ABI1: variants seen among roughly 807,000 people sequenced by gnomAD.
ABI1 encodes abl interactor 1.
Under a neutral mutation model 54.6 loss-of-function variants are expected in ABI1, and 14 were observed. The observed-to-expected ratio is 0.26, with a 90% confidence interval of 0.17 to 0.40. The LOEUF is 0.40. ABI1 is among the 10% of genes least tolerant of loss of function. The pLI is 1.00. For synonymous variants in ABI1, 194 were observed against 209.3 expected, an observed-to-expected ratio of 0.93 and a Z score of 0.63; for missense variants, 443 against 598.3, an observed-to-expected ratio of 0.74 and a Z score of 2.71.
chr10:26,800,454 C>G (rs2046473631), intron 2 of ABI1, among the ~76,000 whole-genome samples: 1 of 152,120 alleles, frequency 6.6e-6, no homozygotes, highest in Admixed American at 6.6e-5. Flanking sequence ...GAGACACATT[C>G]TACAAAACAA....
rs2047873802 is a variant in ABI1 at position 26,820,171 on chromosome 10, G to C, written c.285+2967C>G. ...GTAGACTTGAAATTTGCTAAAAGAG[G>C]AAATCTTAAATGCTCTCGCCACACA... On this transcript the variant is annotated intron_variant, in intron 2 of 10. Transcript: ENST00000376140. Among the ~76,000 whole-genome samples, 3 of 152,152 alleles carry C rather than the reference G, an allele frequency of 2.0e-5. No homozygotes were observed. The South Asian group carries it at 6.2e-4, about 32-fold the overall frequency.
chr10:26,758,089 A>G (rs964217089), intron 8 of ABI1, among the ~76,000 whole-genome samples: 3 of 151,454 alleles, frequency 2.0e-5, no homozygotes, highest in Non-Finnish European at 4.4e-5. Context: ...AAAAAAAAAA[A>G]AAAAACTTTC....
At chr10:26,781,541 T>C (rs1233296245) in intron 2 of ABI1, among the ~76,000 whole-genome samples, 3 of 152,210 alleles carry the variant, frequency 2.0e-5, no homozygotes, top group Admixed American at 6.5e-5. Context: ...GTGCCCATGA[T>C]ACAGAACTGA....
chr10:26,853,245 A>AC (rs1356097485), intron 1 of ABI1, among the ~76,000 whole-genome samples: 1 of 150,942 alleles, frequency 6.6e-6, no homozygotes, highest in African/African-American at 2.4e-5. Flanking sequence ...AAAAAAAAAA[A>AC]AAAAAAAAAT....
chr10:26,758,936 A>G, intron 8 of ABI1, 126 bp downstream of exon 8: 1 of 1,033,220 alleles, frequency 9.7e-7, no homozygotes, highest in Non-Finnish European at 1.4e-6. Flanking sequence ...ATATCCTAAA[A>G]CAAAAATAAA....
chr10:26,844,371 G>A (rs1011854300), intron 1 of ABI1, among the ~76,000 whole-genome samples: 22 of 152,148 alleles, frequency 1.4e-4, no homozygotes, highest in African/African-American at 5.3e-4. Flanking sequence ...CACGTCATAT[G>A]TATTTGAAAT....
chr10:26,807,083 C>T (rs922237030), intron 2 of ABI1, among the ~76,000 whole-genome samples: 2 of 152,208 alleles, frequency 1.3e-5, no homozygotes, highest in Non-Finnish European at 1.5e-5. Context: ...CTTACAGAAA[C>T]TCTAGATTCT....
At chr10:26,794,787 A>T (rs1340483377) in intron 2 of ABI1, among the ~76,000 whole-genome samples, 1 of 152,060 alleles carries the variant, frequency 6.6e-6, no homozygotes, top group Non-Finnish European at 1.5e-5. Context: ...GATGATATGA[A>T]ACTAGAAAAA....
intron 1 of ABI1, among the ~76,000 whole-genome samples, chr10:26,825,894 C>T (rs1385629094): frequency 6.6e-6 from 1 of 152,190 alleles, no homozygotes. Context: ...TCTTCGGGCT[C>T]CAATTCTAAT....
chr10:26,817,320 A>G (rs189317849), intron 2 of ABI1, among the ~76,000 whole-genome samples: 23 of 152,244 alleles, frequency 1.5e-4, no homozygotes, highest in Admixed American at 1.5e-3. Context: ...TTCAGTAAAC[A>G]CTGCAAACCA....
chr10:26,822,359 C>T (rs747217971), intron 2 of ABI1, among the ~76,000 whole-genome samples: 1 of 152,134 alleles, frequency 6.6e-6, no homozygotes, highest in Non-Finnish European at 1.5e-5. Context: ...CCATTCTGCA[C>T]AGAGGTACTT....
chr10:26,818,976 G>C (rs887762540), intron 2 of ABI1, among the ~76,000 whole-genome samples: 1 of 152,202 alleles, frequency 6.6e-6, no homozygotes, highest in African/African-American at 2.4e-5. Context: ...CTGGGTGACA[G>C]AGCGAGACTC....
chr10:26,750,588 T>C (rs2368184), intron 10 of ABI1, among the ~76,000 whole-genome samples: 1 of 152,012 alleles, frequency 6.6e-6, no homozygotes, highest in Admixed American at 6.5e-5. Context: ...AAGAGCTACA[T>C]CTACTAGCTT....
At chr10:26,819,032 A>G (rs746619136) in intron 2 of ABI1, among the ~76,000 whole-genome samples, 18 of 152,214 alleles carry the variant, frequency 1.2e-4, no homozygotes, top group Non-Finnish European at 2.1e-4. Context: ...CAACAGCCCT[A>G]AGACAGGAGA....
chr10:26,827,686 G>C (rs2048397580), intron 1 of ABI1, among the ~76,000 whole-genome samples: 1 of 149,682 alleles, frequency 6.7e-6, no homozygotes, highest in East Asian at 2.0e-4. Flanking sequence ...TCTGCCTGCT[G>C]GGTTCAAGCA....
intron 2 of ABI1, among the ~76,000 whole-genome samples, chr10:26,791,739 T>C (rs1292036057): frequency 3.9e-5 from 6 of 152,156 alleles, no homozygotes; most frequent in Admixed American, 1.3e-4. Flanking sequence ...CTTACAGTGA[T>C]AGCACAGTAA....
intron 3 of ABI1, chr10:26,776,820 G>GGTAAA (rs1841461469): frequency 2.9e-6 from 1 of 347,666 alleles, no homozygotes; most frequent in South Asian, 9.3e-5. Context: ...AACACAAATG[G>GGTAAA]GTAATATTTG....
At chr10:26,839,992 A>AAAAAAC (rs963434549) in intron 1 of ABI1, among the ~76,000 whole-genome samples, 7 of 152,240 alleles carry the variant, frequency 4.6e-5, no homozygotes, top group African/African-American at 1.7e-4. Context: ...CCTGTATCAA[A>AAAAAAC]AAAAACAAAA....
intron 2 of ABI1, among the ~76,000 whole-genome samples, chr10:26,818,849 G>A (rs1249436393): frequency 6.6e-6 from 1 of 151,988 alleles, no homozygotes; most frequent in Non-Finnish European, 1.5e-5. Flanking sequence ...AATTAGCCGG[G>A]CATGGTGGCG....
Sources: gnomAD v4.1 joint callset for allele counts (sites outside exome capture counted in the v4.1 genomes callset) on GRCh38, gnomAD v4.1.1 for gene constraint, MANE v1.5 for transcripts, NCBI Gene and HGNC (gene_info 2026-07-23, HGNC 2026-07-21) for gene names.